Variants in WDR72 observed in about 807,000 individuals in gnomAD.
The protein encoded by WDR72 is WD repeat domain 72.
A neutral mutation model predicts 124.2 loss-of-function variants in WDR72; 120 were observed. The ratio of observed to expected loss-of-function variants is 0.97; its 90% confidence interval spans 0.83 to 1.12. WDR72 has a LOEUF of 1.12. Ranked by LOEUF, WDR72 falls within the 50% of genes most tolerant of loss-of-function variation. The pLI, the probability that WDR72 is intolerant of heterozygous loss-of-function variation, is 0.00. For missense variants in WDR72, 1,387 were observed against 1,278.8 expected, an observed-to-expected ratio of 1.08 and a Z score of -1.29; for synonymous variants, 452 against 441.7, an observed-to-expected ratio of 1.02 and a Z score of -0.29.
chr15:53,685,658 C>T (rs1317949277), intron 13 of WDR72, among the ~76,000 whole-genome samples: 1 of 151,118 alleles, frequency 6.6e-6, no homozygotes, highest in Non-Finnish European at 1.5e-5. Flanking sequence ...TCCAGGAGAA[C>T]TTCCCCAATC....
At chr15:53,744,746 A>G (rs932787975) in intron 1 of WDR72, among the ~76,000 whole-genome samples, 1 of 152,220 alleles carries the variant, frequency 6.6e-6, no homozygotes, top group Non-Finnish European at 1.5e-5. Flanking sequence ...TTTGACCTGG[A>G]TACTGAAGCA....
chr15:53,615,720 G>T lies in WDR72; in HGVS notation c.2486C>A (p.Ser829Tyr), dbSNP rs1378495359. Residue 829 changes from serine to tyrosine, a missense_variant, in exon 15 of 20, where the codon TCT (serine) becomes TAT (tyrosine). Coordinates refer to ENST00000360509, the MANE Select transcript of WDR72 (RefSeq NM_182758.4). ...ATCTTCATTCAAAGAAATTCCCAAA[G>T]AAATAGGACCCTGAAGCTTTAAAAT... ...LNILKLQGPISLGISLNEDNF... is the reference protein window; with the variant it reads ...LNILKLQGPIYLGISLNEDNF... The T allele has an allele frequency of 3.7e-6, 6 of 1,612,696 alleles. No homozygotes were observed. The highest frequency in any genetic ancestry group is 5.1e-6 in the Non-Finnish European group (6 of 1,179,460).
At chr15:53,675,351 A>C (rs891606243) in intron 13 of WDR72, among the ~76,000 whole-genome samples, 1 of 152,062 alleles carries the variant, frequency 6.6e-6, no homozygotes, top group Non-Finnish European at 1.5e-5. Flanking sequence ...CAAAAAAAAA[A>C]AAAAAAATCT....
intron 1 of WDR72, among the ~76,000 whole-genome samples, chr15:53,735,438 A>G (rs1375831470): frequency 6.6e-6 from 1 of 152,222 alleles, no homozygotes; most frequent in Non-Finnish European, 1.5e-5. Flanking sequence ...TGACATTACA[A>G]TGGGGAGTAA....
At chr15:53,686,617 C>T (rs2016636778) in intron 13 of WDR72, among the ~76,000 whole-genome samples, 1 of 150,536 alleles carries the variant, frequency 6.6e-6, no homozygotes, top group Admixed American at 6.6e-5. Flanking sequence ...TAATGGGAGA[C>T]TTTAACACCC....
At chr15:53,664,396 T>C (rs2015708907) in intron 14 of WDR72, among the ~76,000 whole-genome samples, 1 of 152,196 alleles carries the variant, frequency 6.6e-6, no homozygotes. Context: ...GTGTGAAATC[T>C]AAATCAGTCC....
At chr15:53,674,142 C>A (rs2016085653) in intron 13 of WDR72, among the ~76,000 whole-genome samples, 1 of 152,136 alleles carries the variant, frequency 6.6e-6, no homozygotes, top group Non-Finnish European at 1.5e-5. Flanking sequence ...ATTGGGTAGG[C>A]ATTTTCTAAC....
chr15:53,545,596 G>A (rs1053985684), intron 18 of WDR72, among the ~76,000 whole-genome samples: 1 of 151,756 alleles, frequency 6.6e-6, no homozygotes, highest in African/African-American at 2.4e-5. Context: ...TCAGGACATA[G>A]GCATGGGGAA....
rs114363728 is a variant in WDR72 at position 53,615,512 on chromosome 15, T to A, written c.2694A>T (p.Ser898=). 620 of 1,612,872 alleles carry A rather than the reference T, an allele frequency of 3.8e-4. 3 individuals carry two copies. In the African/African-American group the frequency reaches 7.7e-3, roughly 20 times the overall value. Reference sequence around the variant, plus strand: ...TGCTCAACAAATAAACTATAGTATCTGACTCTCGCAAAGAATCACAATTAT... The same window carrying A: ...TGCTCAACAAATAAACTATAGTATCAGACTCTCGCAAAGAATCACAATTAT... The part of the protein sequence containing the change: ...LENNCDSLRE[S]DTIVYLLSRL... The change falls in exon 15 of 20, where the codon TCA becomes TCT. Residue 898 remains serine (S), a synonymous_variant. Transcript: ENST00000360509.
chr15:53,738,208 T>C (rs562192775), intron 1 of WDR72, among the ~76,000 whole-genome samples: 2 of 151,984 alleles, frequency 1.3e-5, no homozygotes, highest in South Asian at 4.1e-4. Context: ...CTTAAACACA[T>C]AAATACATCA....
intron 2 of WDR72, among the ~76,000 whole-genome samples, chr15:53,727,031 G>A (rs144582503): frequency 2.8e-4 from 42 of 152,062 alleles, no homozygotes; most frequent in Admixed American, 2.0e-3. Flanking sequence ...ACATCGCCCC[G>A]GCACGGTCGG....
At chr15:53,702,699 C>T (rs755570801) in intron 11 of WDR72, among the ~76,000 whole-genome samples, 2 of 152,004 alleles carry the variant, frequency 1.3e-5, no homozygotes, top group African/African-American at 4.8e-5. Flanking sequence ...ATGGTGAAAC[C>T]CCATCTCTAC....
At chr15:53,533,510 T>A (rs1005371942) in intron 18 of WDR72, among the ~76,000 whole-genome samples, 2 of 152,106 alleles carry the variant, frequency 1.3e-5, no homozygotes, top group African/African-American at 4.8e-5. Flanking sequence ...CAAGGTCTGA[T>A]CATGTATTTC....
chr15:53,654,914 A>G (rs924975268), intron 14 of WDR72, among the ~76,000 whole-genome samples: 2 of 152,132 alleles, frequency 1.3e-5, no homozygotes, highest in Non-Finnish European at 2.9e-5. Flanking sequence ...CATAAATGTT[A>G]AAGTCATAAA....
chr15:53,616,640 A>G (rs939282409), intron 14 of WDR72, among the ~76,000 whole-genome samples: 2 of 151,968 alleles, frequency 1.3e-5, no homozygotes, highest in African/African-American at 2.4e-5. Context: ...TTTATTAAGT[A>G]TTTTAACAAA....
chr15:53,565,281 C>A (rs1012533142), intron 18 of WDR72, among the ~76,000 whole-genome samples: 2 of 151,890 alleles, frequency 1.3e-5, no homozygotes, highest in African/African-American at 4.8e-5. Context: ...AGGAAACTAT[C>A]ACGTAGGACT....
Position 53,578,705 on chromosome 15 carries a change from G to T in WDR72, c.3148+18374C>A, listed in dbSNP as rs563259666. 2.2e-3 allele frequency among the ~76,000 whole-genome samples: 339 copies of T among 152,082 alleles called. 2 individuals are homozygous for T. Among genetic ancestry groups the T allele is most frequent in the African/African-American group, 7.9e-3 (329 of 41,464 alleles). ...ATCTGCACTTTATCCTAAGAGAAAA[G>T]AGAAGCCATATGTGCTTAAATAAAT... On this transcript the variant is annotated intron_variant, in intron 18 of 19. Transcript: ENST00000360509.
chr15:53,661,252 T>C (rs1193290354), intron 14 of WDR72, among the ~76,000 whole-genome samples: 1 of 152,174 alleles, frequency 6.6e-6, no homozygotes, highest in Admixed American at 6.5e-5. Flanking sequence ...AGAGTTTTAT[T>C]TGGCTCCTGA....
intron 18 of WDR72, among the ~76,000 whole-genome samples, chr15:53,556,550 G>A (rs1252229602): frequency 6.6e-6 from 1 of 152,118 alleles, no homozygotes; most frequent in Non-Finnish European, 1.5e-5. Flanking sequence ...ATGTGAAGAA[G>A]GCTGACTTGG....
Sources: gnomAD v4.1 joint callset for allele counts (sites outside exome capture counted in the v4.1 genomes callset) on GRCh38, gnomAD v4.1.1 for gene constraint, MANE v1.5 for transcripts, NCBI Gene and HGNC (gene_info 2026-07-23, HGNC 2026-07-21) for gene names.